Variants in RBMS3 observed in about 807,000 individuals in gnomAD.
RBMS3 encodes the protein RNA-binding motif, single-stranded-interacting protein 3.
A neutral mutation model predicts 66.8 loss-of-function variants in RBMS3; 27 were observed. That is an observed-to-expected ratio of 0.40 (90% CI 0.30 to 0.56). The LOEUF is 0.56. Ranked by LOEUF, RBMS3 falls within the 20% of genes least tolerant of loss-of-function variation. RBMS3 has a pLI of 0.40. For missense variants in RBMS3, 513 were observed against 549.5 expected, an observed-to-expected ratio of 0.93 and a Z score of 0.66; for synonymous variants, 188 against 183.0, an observed-to-expected ratio of 1.03 and a Z score of -0.22.
chr3:29,635,037 A>G (rs928456205), intron 4 of RBMS3, among the ~76,000 whole-genome samples: 38 of 151,966 alleles, frequency 2.5e-4, no homozygotes, highest in African/African-American at 8.7e-4. Context: ...AATCACTACC[A>G]GACAAGTTTT....
chr3:29,453,429 C>T (rs1338345008), intron 2 of RBMS3, among the ~76,000 whole-genome samples: 1 of 152,164 alleles, frequency 6.6e-6, no homozygotes, highest in Non-Finnish European at 1.5e-5. Context: ...GCCAAGATTA[C>T]TATTTGGCGA....
At chr3:29,971,275 A>G (rs1365484406) in intron 12 of RBMS3, among the ~76,000 whole-genome samples, 2 of 152,158 alleles carry the variant, frequency 1.3e-5, no homozygotes, top group Admixed American at 1.3e-4. Flanking sequence ...GCCTTTTAAC[A>G]GAGTACTCCA....
chr3:29,853,624 G>A (rs973147943), intron 6 of RBMS3, among the ~76,000 whole-genome samples: 1 of 151,822 alleles, frequency 6.6e-6, no homozygotes, highest in Admixed American at 6.6e-5. Context: ...TCCCTAATTA[G>A]CATTTTAATG....
intron 2 of RBMS3, among the ~76,000 whole-genome samples, chr3:29,459,600 C>T (rs7640242): frequency 0.63 from 95,202 of 152,068 alleles, 31,015 homozygotes; most frequent in African/African-American, 0.8. Context: ...ATCATCAGCT[C>T]GTTTAAGCCT....
At chr3:29,484,490 T>C (rs1455199954) in intron 2 of RBMS3, among the ~76,000 whole-genome samples, 1 of 152,172 alleles carries the variant, frequency 6.6e-6, no homozygotes, top group Admixed American at 6.5e-5. Context: ...AACCTTATTT[T>C]ACCTTAATTA....
intron 4 of RBMS3, among the ~76,000 whole-genome samples, chr3:29,721,864 T>C (rs1006569039): frequency 7.9e-5 from 12 of 152,210 alleles, no homozygotes; most frequent in Non-Finnish European, 1.3e-4. Context: ...CCAGTTTGAA[T>C]GTCCATCTTC....
intron 10 of RBMS3, among the ~76,000 whole-genome samples, chr3:29,917,596 C>A (rs959174825): frequency 6.6e-6 from 1 of 151,918 alleles, no homozygotes; most frequent in Non-Finnish European, 1.5e-5. Flanking sequence ...TCATGGGACT[C>A]TAATCTCATG....
intron 2 of RBMS3, among the ~76,000 whole-genome samples, chr3:29,440,088 A>T (rs1012980708): frequency 3.9e-5 from 6 of 152,210 alleles, no homozygotes; most frequent in Non-Finnish European, 8.8e-5. Flanking sequence ...TGTCCTTCCA[A>T]GAAATTGGTA....
chr3:29,760,270 T>TAC (rs1403331725), intron 5 of RBMS3, among the ~76,000 whole-genome samples: 4 of 139,628 alleles, frequency 2.9e-5, no homozygotes, highest in East Asian at 2.3e-4. Flanking sequence ...CACACACACA[T>TAC]ACACACACAC....
chr3:29,336,320 G>A (rs573503332), intron 1 of RBMS3, among the ~76,000 whole-genome samples: 19 of 152,208 alleles, frequency 1.2e-4, no homozygotes, highest in African/African-American at 4.3e-4. Context: ...TACCATGGCA[G>A]TTGTGTTTTT....
At chr3:29,325,970 A>G (rs1419227690) in intron 1 of RBMS3, among the ~76,000 whole-genome samples, 1 of 152,160 alleles carries the variant, frequency 6.6e-6, no homozygotes, top group Non-Finnish European at 1.5e-5. Context: ...GGATAGGACT[A>G]TGAAGTGTGG....
Position 29,751,904 on chromosome 3 carries a change from C to T in RBMS3, c.558-11006C>T, listed in dbSNP as rs184682078. On this transcript the variant is annotated intron_variant, in intron 5 of 14. Transcript: ENST00000383767. ...CAAACACTGTACAGGCCCATGGCAG[C>T]GCCTAGGGGTTGCCTACGACCCCTG... Among the ~76,000 whole-genome samples, 9 of 152,270 alleles carry T rather than the reference C, an allele frequency of 5.9e-5. No homozygotes were observed. The East Asian group carries it at 7.8e-4, about 13-fold the overall frequency.
At chr3:29,824,677 G>A (rs956697584) in intron 6 of RBMS3, among the ~76,000 whole-genome samples, 3 of 152,152 alleles carry the variant, frequency 2.0e-5, no homozygotes, top group African/African-American at 7.2e-5. Flanking sequence ...CACATCTACT[G>A]ATGGTGAGGG....
intron 1 of RBMS3, among the ~76,000 whole-genome samples, chr3:29,340,186 A>G (rs2036202679): frequency 6.6e-6 from 1 of 152,262 alleles, no homozygotes. Flanking sequence ...GTTCAAAATG[A>G]TAATATGAGG....
chr3:29,964,290 CAGA>C (rs1696680938), intron 12 of RBMS3, among the ~76,000 whole-genome samples: 3 of 151,080 alleles, frequency 2.0e-5, no homozygotes, highest in Admixed American at 2.0e-4. Flanking sequence ...CAAAAATTAA[CAGA>C]AGAATTAAAT....
At chr3:29,350,881 T>TA (rs760592484) in intron 1 of RBMS3, among the ~76,000 whole-genome samples, 4,155 of 145,556 alleles carry the variant, frequency 0.029, 60 homozygotes, top group Middle Eastern at 0.043. Context: ...ATGTGCATGG[T>TA]AAAAAAAAAA....
At chr3:29,942,472 A>G (rs1181834894) in intron 11 of RBMS3, among the ~76,000 whole-genome samples, 4 of 151,798 alleles carry the variant, frequency 2.6e-5, no homozygotes, top group Non-Finnish European at 4.4e-5. Flanking sequence ...ACAGTGAGCT[A>G]TGATTGTGCC....
intron 6 of RBMS3, among the ~76,000 whole-genome samples, chr3:29,841,533 T>C (rs2149504103): frequency 6.6e-6 from 1 of 152,128 alleles, no homozygotes; most frequent in East Asian, 1.9e-4. Flanking sequence ...ATGACCAGTG[T>C]AGCTAGTTTA....
intron 12 of RBMS3, among the ~76,000 whole-genome samples, chr3:29,953,550 A>T (rs1037883569): frequency 6.6e-6 from 1 of 151,980 alleles, no homozygotes; most frequent in African/African-American, 2.4e-5. Flanking sequence ...AGAATATTAA[A>T]TGTCCTTGGT....
Sources: allele counts gnomAD v4.1 joint callset (sites outside exome capture counted in the v4.1 genomes callset), GRCh38; gene constraint gnomAD v4.1.1; transcripts MANE v1.5; gene names NCBI Gene and HGNC (gene_info 2026-07-23, HGNC 2026-07-21).